Variants in CCDC73 observed in about 807,000 individuals in gnomAD.
The protein encoded by CCDC73 is coiled-coil domain containing 73.
A neutral mutation model predicts 116.5 loss-of-function variants in CCDC73; 95 were observed. The ratio of observed to expected loss-of-function variants is 0.82; its 90% CI spans 0.69 to 0.97. The LOEUF (loss-of-function observed/expected upper bound fraction) is 0.97, where lower values mean the gene tolerates loss of function less well. CCDC73 is among the 50% of genes least tolerant of loss of function. The pLI, the probability that CCDC73 is intolerant of heterozygous loss-of-function variation, is 0.00. For synonymous variants in CCDC73, 398 were observed against 401.3 expected (o/e 0.99, Z 0.10); for missense variants, 1,066 against 1,206.8 (o/e 0.88, Z 1.73).
At chr11:32,809,036 A>G in the CCDC73 span, among the ~76,000 whole-genome samples, 2 of 152,234 alleles carry the variant, frequency 1.3e-5, no homozygotes, top group African/African-American at 2.4e-5. Context: ...CCAGTAAAAA[A>G]TATGTGTTTG....
chr11:32,789,695 C>T (rs1850659339), intron 1 of CCDC73, among the ~76,000 whole-genome samples: 1 of 152,114 alleles, frequency 6.6e-6, no homozygotes, highest in Non-Finnish European at 1.5e-5. Flanking sequence ...ATCACTTGAG[C>T]CAGGGAAGTC....
At chr11:32,619,404 C>T (rs1855502579) in intron 14 of CCDC73, among the ~76,000 whole-genome samples, 1 of 152,214 alleles carries the variant, frequency 6.6e-6, no homozygotes, top group Admixed American at 6.5e-5. Context: ...GGTGAAATGG[C>T]TCATGCCTGT....
At chr11:32,791,496 T>C (rs1173901241) in intron 1 of CCDC73, among the ~76,000 whole-genome samples, 4 of 152,248 alleles carry the variant, frequency 2.6e-5, no homozygotes, top group African/African-American at 9.6e-5. Flanking sequence ...TTTACCTTGA[T>C]CTTGAAACAC....
At chr11:32,828,373 G>C in the CCDC73 span, among the ~76,000 whole-genome samples, 1 of 151,922 alleles carries the variant, frequency 6.6e-6, no homozygotes, top group Non-Finnish European at 1.5e-5. Context: ...AGCCGGGCGT[G>C]GTGGTGGATG....
intron 1 of CCDC73, among the ~76,000 whole-genome samples, chr11:32,793,622 A>ATTTTAT (rs551627363): frequency 2.0e-5 from 3 of 149,628 alleles, no homozygotes; most frequent in East Asian, 1.9e-4. Flanking sequence ...ATTTTATTTT[A>ATTTTAT]TTTTTTTAGA....
At chr11:32,785,881 T>C (rs913736705) in intron 1 of CCDC73, among the ~76,000 whole-genome samples, 3 of 152,182 alleles carry the variant, frequency 2.0e-5, no homozygotes, top group Non-Finnish European at 4.4e-5. Context: ...AGTTTCCTCA[T>C]CTATTAATAC....
At chr11:32,763,924 T>C (rs935750719) in intron 1 of CCDC73, among the ~76,000 whole-genome samples, 1 of 152,166 alleles carries the variant, frequency 6.6e-6, no homozygotes, top group African/African-American at 2.4e-5. Context: ...TTAAATGACC[T>C]GATGGAGCTG....
At chr11:32,674,304 A>G (rs966567520) in intron 9 of CCDC73, among the ~76,000 whole-genome samples, 2 of 152,194 alleles carry the variant, frequency 1.3e-5, no homozygotes, top group African/African-American at 4.8e-5. Flanking sequence ...TGGTCCTAAA[A>G]TGATTCAAAG....
At chr11:32,690,805 C>T (rs1856250267) in intron 6 of CCDC73, among the ~76,000 whole-genome samples, 1 of 152,090 alleles carries the variant, frequency 6.6e-6, no homozygotes, top group Non-Finnish European at 1.5e-5. Flanking sequence ...CTCTTTATAG[C>T]AATGTGAGGA....
intron 3 of CCDC73, among the ~76,000 whole-genome samples, chr11:32,711,962 T>A (rs1464549309): frequency 6.6e-6 from 1 of 152,180 alleles, no homozygotes; most frequent in Non-Finnish European, 1.5e-5. Context: ...TCAAGGGCAG[T>A]ATTAGCAGCT....
chr11:32,765,380 G>A (rs575757148), intron 1 of CCDC73, among the ~76,000 whole-genome samples: 2 of 112,518 alleles, frequency 1.8e-5, no homozygotes, highest in Non-Finnish European at 1.9e-5. Flanking sequence ...GCACTCCTCA[G>A]CAAATGTAAA....
intron 12 of CCDC73, among the ~76,000 whole-genome samples, chr11:32,645,273 TTTTTTC>T (rs1220417144): frequency 3.5e-5 from 5 of 144,120 alleles, no homozygotes; most frequent in East Asian, 3.9e-4. Context: ...CAGTTAACTT[TTTTTTC>T]TTTTTCTTTT....
intron 2 of CCDC73, among the ~76,000 whole-genome samples, chr11:32,734,010 T>C (rs990936518): frequency 7.9e-5 from 12 of 152,012 alleles, no homozygotes; most frequent in African/African-American, 2.4e-4. Flanking sequence ...ATCAACAAAA[T>C]TGATTAACCA....
intron 2 of CCDC73, among the ~76,000 whole-genome samples, chr11:32,755,939 C>A (rs1565094443): frequency 2.5e-3 from 33 of 13,050 alleles, no homozygotes; most frequent in Admixed American, 3.2e-3. Context: ...ATATATATAT[C>A]TCCATATATA....
chr11:32,755,697 ATATATATATCTCCATATATATGTG>A (rs1565094223), intron 2 of CCDC73, among the ~76,000 whole-genome samples: 10 of 52,704 alleles, frequency 1.9e-4, no homozygotes, highest in African/African-American at 4.9e-4. Flanking sequence ...ATATATGTGT[ATATATATATCTCCATATATATGTG>A]TATATATATA....
chr11:32,803,973 A>AT, the CCDC73 span, among the ~76,000 whole-genome samples: 46 of 149,584 alleles, frequency 3.1e-4, no homozygotes, highest in African/African-American at 9.8e-4. Flanking sequence ...CACCTACCTA[A>AT]TTTTTTTTTT....
chr11:32,644,425 C>T (rs574679018), intron 12 of CCDC73, among the ~76,000 whole-genome samples: 10 of 151,748 alleles, frequency 6.6e-5, no homozygotes, highest in African/African-American at 2.4e-4. Context: ...ATGTGAGACT[C>T]AATTTACCTA....
chr11:32,703,323 A>G (rs989829924), intron 3 of CCDC73, among the ~76,000 whole-genome samples: 1 of 152,118 alleles, frequency 6.6e-6, no homozygotes, highest in African/African-American at 2.4e-5. Flanking sequence ...CCTGGACTCA[A>G]GCGACCCACC....
chr11:32,666,762 G>A (rs889213297), intron 9 of CCDC73, among the ~76,000 whole-genome samples: 4 of 152,158 alleles, frequency 2.6e-5, no homozygotes, highest in Non-Finnish European at 5.9e-5. Context: ...CAGCTTTTCT[G>A]CTCTGTTTTT....
Sources: gnomAD v4.1 joint callset for allele counts (sites outside exome capture counted in the v4.1 genomes callset) on GRCh38, gnomAD v4.1.1 for gene constraint, MANE v1.5 for transcripts, NCBI Gene and HGNC (gene_info 2026-07-23, HGNC 2026-07-21) for gene names.